Variants in LRRC4C observed in about 807,000 individuals in gnomAD.
LRRC4C encodes the protein leucine rich repeat containing 4C.
Under a neutral mutation model 33.6 loss-of-function variants are expected in LRRC4C, and 5 were observed. The ratio of observed to expected loss-of-function variants is 0.15; its 90% confidence interval spans 0.08 to 0.31. The LOEUF (loss-of-function observed/expected upper bound fraction) is 0.31. Among genes scored for constraint, LRRC4C ranks in the 10% least tolerant of loss-of-function variants. The pLI, the probability that LRRC4C is intolerant of heterozygous loss-of-function variation, is 1.00. For synonymous variants in LRRC4C, 329 were observed against 302.0 expected (o/e 1.09, Z -0.93); for missense variants, 560 against 796.7 (o/e 0.70, Z 3.58).
At chr11:40,808,025 TTAA>T (rs1288932091) in intron 2 of LRRC4C, among the ~76,000 whole-genome samples, 10 of 152,306 alleles carry the variant, frequency 6.6e-5, no homozygotes, top group African/African-American at 2.4e-4. Flanking sequence ...AGCAAGTGAC[TTAA>T]TAACCTGTGT....
At chr11:41,136,380 T>C (rs899925635) in intron 1 of LRRC4C, among the ~76,000 whole-genome samples, 19 of 152,194 alleles carry the variant, frequency 1.2e-4, no homozygotes, top group Admixed American at 3.9e-4. Context: ...TGCAACTCAG[T>C]TTATATTGTA....
At chr11:40,520,812 A>T (rs1955778765) in intron 3 of LRRC4C, among the ~76,000 whole-genome samples, 1 of 152,194 alleles carries the variant, frequency 6.6e-6, no homozygotes, top group Admixed American at 6.5e-5. Flanking sequence ...AAAGTGCAAT[A>T]AAATGAGGTA....
intron 5 of LRRC4C, among the ~76,000 whole-genome samples, chr11:40,224,675 G>T (rs1029973217): frequency 4.6e-5 from 7 of 152,226 alleles, no homozygotes; most frequent in African/African-American, 1.7e-4. Context: ...TTGTTGTTGA[G>T]GTTAAATGAG....
At chr11:40,661,870 A>G (rs1943457381) in intron 2 of LRRC4C, among the ~76,000 whole-genome samples, 1 of 152,152 alleles carries the variant, frequency 6.6e-6, no homozygotes, top group African/African-American at 2.4e-5. Flanking sequence ...CAAACCCCCA[A>G]CTCTAAACCC....
intron 2 of LRRC4C, among the ~76,000 whole-genome samples, chr11:40,719,446 C>T (rs1946897044): frequency 6.6e-6 from 1 of 151,986 alleles, no homozygotes; most frequent in South Asian, 2.1e-4. Flanking sequence ...ACTTTTACTG[C>T]CGTTAGATCT....
intron 2 of LRRC4C, among the ~76,000 whole-genome samples, chr11:40,728,648 A>T (rs919776639): frequency 1.3e-5 from 2 of 150,690 alleles, no homozygotes; most frequent in Admixed American, 6.6e-5. Context: ...AAAAAAAAAA[A>T]TTCATGTTAT....
At chr11:40,140,432 T>C (rs1225454021) in intron 6 of LRRC4C, among the ~76,000 whole-genome samples, 1 of 152,092 alleles carries the variant, frequency 6.6e-6, no homozygotes, top group African/African-American at 2.4e-5. Context: ...GAGCCACCAA[T>C]ACTCTTATAA....
At chr11:41,047,097 A>C (rs1207637414) in intron 1 of LRRC4C, among the ~76,000 whole-genome samples, 1 of 152,172 alleles carries the variant, frequency 6.6e-6, no homozygotes, top group Non-Finnish European at 1.5e-5. Context: ...ATGTGACAAC[A>C]TATTTATAAA....
intron 1 of LRRC4C, among the ~76,000 whole-genome samples, chr11:41,177,256 G>A (rs371225956): frequency 3.9e-5 from 6 of 152,250 alleles, no homozygotes; most frequent in South Asian, 2.1e-4. Flanking sequence ...GTTCATCAAC[G>A]GGGAATAACC....
chr11:40,826,158 A>G (rs554495462), intron 2 of LRRC4C, among the ~76,000 whole-genome samples: 1 of 152,108 alleles, frequency 6.6e-6, no homozygotes, highest in East Asian at 1.9e-4. Flanking sequence ...CTATTTAGCC[A>G]GATTGCTGTC....
intron 2 of LRRC4C, among the ~76,000 whole-genome samples, chr11:40,817,680 C>A (rs142966618): frequency 4.1e-4 from 63 of 152,220 alleles, no homozygotes; most frequent in South Asian, 6.2e-4. Flanking sequence ...ACCTGGTAAT[C>A]ACTTTTGAAT....
At chr11:40,656,278 C>A (rs1314851157) in intron 2 of LRRC4C, among the ~76,000 whole-genome samples, 1 of 151,480 alleles carries the variant, frequency 6.6e-6, no homozygotes, top group Non-Finnish European at 1.5e-5. Flanking sequence ...TCCCTATTCT[C>A]CCATTCTTGT....
At chr11:40,806,157 C>A (rs1565084133) in intron 2 of LRRC4C, among the ~76,000 whole-genome samples, 1 of 152,180 alleles carries the variant, frequency 6.6e-6, no homozygotes. Context: ...CAAACCACCT[C>A]AAAATTTAGT....
At chr11:41,301,654 G>A (rs998124696) in intron 1 of LRRC4C, among the ~76,000 whole-genome samples, 1 of 152,140 alleles carries the variant, frequency 6.6e-6, no homozygotes, top group Non-Finnish European at 1.5e-5. Context: ...ATTTCTGTCA[G>A]ATATTAAATA....
At chr11:40,508,015 C>T (rs182617196) in intron 3 of LRRC4C, among the ~76,000 whole-genome samples, 309 of 152,244 alleles carry the variant, frequency 2.0e-3, no homozygotes, top group African/African-American at 6.7e-3. Flanking sequence ...CTTCAGCCTC[C>T]CAAAGTTCTG....
intron 5 of LRRC4C, among the ~76,000 whole-genome samples, chr11:40,154,188 T>A (rs1244409047): frequency 6.6e-6 from 1 of 150,662 alleles, no homozygotes; most frequent in African/African-American, 2.4e-5. Context: ...AAACTAAGCA[T>A]CACATATGAA....
At chr11:40,471,098 C>A (rs1372183239) in intron 3 of LRRC4C, among the ~76,000 whole-genome samples, 1 of 152,004 alleles carries the variant, frequency 6.6e-6, no homozygotes, top group African/African-American at 2.4e-5. Flanking sequence ...TTCACCAAGG[C>A]TGAAATGAAG....
At chr11:40,260,714 C>A (rs1013469179) in intron 4 of LRRC4C, among the ~76,000 whole-genome samples, 1 of 152,094 alleles carries the variant, frequency 6.6e-6, no homozygotes, top group Admixed American at 6.6e-5. Context: ...CAGAAAATAA[C>A]ATATGGATAG....
intron 3 of LRRC4C, among the ~76,000 whole-genome samples, chr11:40,385,474 A>T (rs972630141): frequency 1.3e-5 from 2 of 152,140 alleles, no homozygotes; most frequent in African/African-American, 4.8e-5. Flanking sequence ...TCACTTATAA[A>T]TGGGAGATAA....
Sources: gnomAD v4.1 joint callset for allele counts (sites outside exome capture counted in the v4.1 genomes callset) on GRCh38, gnomAD v4.1.1 for gene constraint, MANE v1.5 for transcripts, NCBI Gene and HGNC (gene_info 2026-07-23, HGNC 2026-07-21) for gene names.